Variants in ADAMTS18 observed in about 807,000 individuals in gnomAD.
The protein encoded by ADAMTS18 is ADAM metallopeptidase with thrombospondin type 1 motif 18, also known as A disintegrin and metalloproteinase with thrombospondin motifs 18.
Under a neutral mutation model 165.9 loss-of-function variants are expected in ADAMTS18, and 157 were observed. The observed-to-expected ratio is 0.95, with a 90% CI of 0.83 to 1.08. The LOEUF (loss-of-function observed/expected upper bound fraction) is 1.08, where lower values mean the gene tolerates loss of function less well. Among genes scored for constraint, ADAMTS18 ranks in the 50% least tolerant of loss-of-function variants. The probability of loss-of-function intolerance (pLI) is 0.00; values close to 1 mark genes in which losing one functional copy is unlikely to be tolerated. For missense variants in ADAMTS18, 2,040 were observed against 1,534.0 expected (o/e 1.33, Z -5.51); for synonymous variants, 782 against 578.2 (o/e 1.35, Z -5.06).
chr16:77,320,648 A>C (rs867091103), intron 15 of ADAMTS18, among the ~76,000 whole-genome samples: 79 of 152,252 alleles, frequency 5.2e-4, no homozygotes, highest in African/African-American at 1.8e-3. Context: ...CAAAAAAAAA[A>C]AATCTGTCTG....
chr16:77,342,874 G>A (rs558332747), intron 10 of ADAMTS18, among the ~76,000 whole-genome samples: 1 of 152,228 alleles, frequency 6.6e-6, no homozygotes, highest in South Asian at 2.1e-4. Context: ...GTCCTTATAT[G>A]GGAAAGAGGA....
intron 11 of ADAMTS18, 55 bp from the exon 12 acceptor site, chr16:77,335,959 G>T: frequency 6.2e-7 from 1 of 1,610,502 alleles, no homozygotes; most frequent in Non-Finnish European, 8.5e-7. Flanking sequence ...GGAAAGCGCA[G>T]GGAGTTGCCA....
chr16:77,302,849 G>T (rs548966779), intron 16 of ADAMTS18, among the ~76,000 whole-genome samples: 107 of 152,094 alleles, frequency 7.0e-4, no homozygotes, highest in Non-Finnish European at 1.2e-3. Context: ...ATTTTTAAAT[G>T]TTGCTGTGAA....
At chr16:77,431,778 G>C in intron 2 of ADAMTS18, 167 bp from the exon 3 acceptor site, 1 of 742,934 alleles carries the variant, frequency 1.3e-6, no homozygotes, top group Non-Finnish European at 2.3e-6. Flanking sequence ...CAGAAGACCT[G>C]TCTCTACAAC....
intron 3 of ADAMTS18, among the ~76,000 whole-genome samples, chr16:77,426,274 T>C (rs1202470545): frequency 1.3e-5 from 2 of 152,142 alleles, no homozygotes; most frequent in Non-Finnish European, 2.9e-5. Flanking sequence ...CATAATATTA[T>C]AGTATCTATT....
chr16:77,323,243 C>A (rs1446233830), intron 13 of ADAMTS18, among the ~76,000 whole-genome samples: 1 of 152,128 alleles, frequency 6.6e-6, no homozygotes, highest in Admixed American at 6.6e-5. Context: ...CACAGGAGAC[C>A]TTCTGTGGGT....
At chr16:77,421,511 G>A (rs2057602501) in intron 3 of ADAMTS18, among the ~76,000 whole-genome samples, 1 of 152,232 alleles carries the variant, frequency 6.6e-6, no homozygotes, top group African/African-American at 2.4e-5. Context: ...GTTTATTGCT[G>A]ATGGTGGGAA....
At chr16:77,323,954 A>T (rs773591882) in intron 13 of ADAMTS18, among the ~76,000 whole-genome samples, 1 of 152,240 alleles carries the variant, frequency 6.6e-6, no homozygotes. Context: ...TACTCAGTGG[A>T]AACTGCAATA....
At chr16:77,388,794 T>C (rs994998036) in intron 3 of ADAMTS18, among the ~76,000 whole-genome samples, 2 of 152,214 alleles carry the variant, frequency 1.3e-5, no homozygotes, top group African/African-American at 4.8e-5. Flanking sequence ...AAACCTTGTA[T>C]ATTCTGGTCC....
chr16:77,307,392 G>C (rs2055700792), intron 16 of ADAMTS18, among the ~76,000 whole-genome samples: 1 of 152,160 alleles, frequency 6.6e-6, no homozygotes, highest in Non-Finnish European at 1.5e-5. Context: ...GATTGAATTT[G>C]ACAAGAGACA....
chr16:77,375,025 T>G (rs1280496863), intron 3 of ADAMTS18, among the ~76,000 whole-genome samples: 1 of 152,100 alleles, frequency 6.6e-6, no homozygotes. Context: ...ATCTGTTTAT[T>G]TGTGGAGTGT....
rs549356673 is a variant in ADAMTS18, at chr16:77,416,783, GAGA to G, written c.495+14509_495+14511del. The stretch of plus-strand genomic sequence containing the variant: ...GAAAATGAAGTCATCTCACCACTAT[GAGA>G]AGAATAGACTAAAGGGACAGAAGAG... On this transcript the variant is annotated intron_variant, in intron 3 of 22. Coordinates refer to ENST00000282849, the MANE Select transcript of ADAMTS18 (RefSeq NM_199355.4). 5.1e-3 allele frequency among the ~76,000 whole-genome samples: 773 copies of G among 152,282 alleles called. 2 individuals carry two copies. Among genetic ancestry groups the G allele is most frequent in the Non-Finnish European group, 8.2e-3 (561 of 68,020 alleles).
chr16:77,341,594 C>T lies in ADAMTS18; in HGVS notation c.1710+110G>A, dbSNP rs188970392. 2,488 of 870,356 alleles carry T rather than the reference C, an allele frequency of 2.9e-3. 36 individuals are homozygous for T. The African/African-American group carries it at 0.036, about 13-fold the overall frequency. 53.9% of individuals were successfully genotyped at this position (870,356 alleles called of 1,614,324 possible). Reference sequence around the variant, plus strand: ...TAATGTTGTTAATATGAAGAGAAGTCAGAGAATATAAACTACCAAAGCATT... The same window carrying T: ...TAATGTTGTTAATATGAAGAGAAGTTAGAGAATATAAACTACCAAAGCATT... On this transcript the variant is annotated intron_variant, in intron 11 of 22. Transcript: ENST00000282849.
chr16:77,364,137 T>C, intron 5 of ADAMTS18, 51 bp downstream of exon 5: 1 of 1,608,668 alleles, frequency 6.2e-7, no homozygotes, highest in Non-Finnish European at 8.5e-7. Context: ...GAGAATTCCA[T>C]GACATTTATT....
chr16:77,398,530 G>A (rs557984878), intron 3 of ADAMTS18, among the ~76,000 whole-genome samples: 2 of 152,250 alleles, frequency 1.3e-5, no homozygotes, highest in Admixed American at 6.5e-5. Flanking sequence ...TTGCAACGAG[G>A]AGGCTGTGAT....
chr16:77,421,491 C>G (rs1225734625), intron 3 of ADAMTS18, among the ~76,000 whole-genome samples: 3 of 152,258 alleles, frequency 2.0e-5, no homozygotes, highest in African/African-American at 7.2e-5. Context: ...GTACCACTTT[C>G]TCTTAAACTG....
intron 3 of ADAMTS18, among the ~76,000 whole-genome samples, chr16:77,389,740 G>C (rs189600122): frequency 6.6e-6 from 1 of 152,222 alleles, no homozygotes; most frequent in Non-Finnish European, 1.5e-5. Flanking sequence ...AACAAAGAGA[G>C]AATGGGGGAA....
chr16:77,353,135 T>C (rs1247519634), intron 10 of ADAMTS18, among the ~76,000 whole-genome samples: 1 of 152,178 alleles, frequency 6.6e-6, no homozygotes, highest in Non-Finnish European at 1.5e-5. Flanking sequence ...AAAGTTGAGA[T>C]TGTAATACTG....
intron 3 of ADAMTS18, among the ~76,000 whole-genome samples, chr16:77,382,870 T>C (rs1300969317): frequency 6.6e-6 from 1 of 152,150 alleles, no homozygotes; most frequent in Admixed American, 6.5e-5. Flanking sequence ...ATAACACTCC[T>C]CTTCACACGT....
Sources: allele counts gnomAD v4.1 joint callset (sites outside exome capture counted in the v4.1 genomes callset), GRCh38; gene constraint gnomAD v4.1.1; transcripts MANE v1.5; gene names NCBI Gene and HGNC (gene_info 2026-07-23, HGNC 2026-07-21).